The following TMEM131 variants were observed in gnomAD, a reference collection of about 807,000 sequenced individuals.
The protein encoded by TMEM131 is 2610524E03Rik.
A neutral mutation model predicts 211.6 loss-of-function variants in TMEM131; 66 were observed. The ratio of observed to expected loss-of-function variants is 0.31; its 90% CI spans 0.26 to 0.38. The LOEUF is 0.38. Among genes scored for constraint, TMEM131 ranks in the 10% least tolerant of loss-of-function variants. The probability of loss-of-function intolerance (pLI) is 1.00; values close to 1 mark genes in which losing one functional copy is unlikely to be tolerated. For synonymous variants in TMEM131, 844 were observed against 841.3 expected, an observed-to-expected ratio of 1.00 and a Z score of -0.06; for missense variants, 2,036 against 2,299.3, an observed-to-expected ratio of 0.89 and a Z score of 2.34.
chr2:97,759,793 T>C (rs1559339793), intron 38 of TMEM131, 44 bp from the exon 39 acceptor site: 2 of 1,448,156 alleles, frequency 1.4e-6, no homozygotes, highest in South Asian at 2.4e-5. Flanking sequence ...AAATGTATGG[T>C]GGTTAGTGCA....
chr2:97,792,579 C>A lies in TMEM131; in HGVS notation c.3951G>T (p.Gln1317His), dbSNP rs762748212. The A allele has an allele frequency of 2.5e-6, 4 of 1,613,088 alleles. No homozygotes were observed. The Admixed American group carries it at 5.0e-5, about 20-fold the overall frequency. Residue 1317 changes from glutamine to histidine, a missense_variant, in exon 31 of 41, where the codon CAG (glutamine) becomes CAT (histidine). By Grantham distance (24) the Gln-to-His change is conservative. Around this residue, in one of 3 missense-constraint regions of TMEM131, gnomAD observed 1,623 missense variants for 1,805.9 expected, o/e 0.90. Coordinates refer to ENST00000186436, the MANE Select transcript of TMEM131 (RefSeq NM_015348.2). ...PPPVPQPQEPQPERLSPAPLA... is the reference protein window; with the variant it reads ...PPPVPQPQEPHPERLSPAPLA... ...GGGGGGCGGGAGACAGCCTTTCAGG[C>A]TGCGGCTCCTGGGGCTGAGGCACTG...
At chr2:97,772,451 G>A (rs761572068) in intron 32 of TMEM131, 27 bp from the exon 33 acceptor site, 37 of 1,598,068 alleles carry the variant, frequency 2.3e-5, no homozygotes, top group Non-Finnish European at 3.0e-5. Flanking sequence ...CTTAATTGCT[G>A]AGAAGGATTA....
chr2:97,761,240 A>G (rs952620068), intron 36 of TMEM131: 13 of 216,004 alleles, frequency 6.0e-5, no homozygotes, highest in Admixed American at 2.1e-4. Context: ...TGCAGAGGGC[A>G]GCCACCGACA....
At chr2:97,889,840 G>A (rs1446993143) in intron 3 of TMEM131, among the ~76,000 whole-genome samples, 2 of 152,082 alleles carry the variant, frequency 1.3e-5, no homozygotes, top group African/African-American at 4.8e-5. Context: ...GGCTACAGTG[G>A]GGAATAAAGA....
At chr2:97,821,818 T>G (rs937815164) in intron 11 of TMEM131, among the ~76,000 whole-genome samples, 3 of 152,190 alleles carry the variant, frequency 2.0e-5, no homozygotes, top group African/African-American at 7.2e-5. Context: ...TGTCAGGCTT[T>G]CTGGGAAAGG....
intron 5 of TMEM131, among the ~76,000 whole-genome samples, chr2:97,847,217 G>C (rs1442430229): frequency 6.6e-6 from 1 of 151,998 alleles, no homozygotes; most frequent in African/African-American, 2.4e-5. Context: ...GTGCGAAAAA[G>C]AGATAAAAGG....
intron 35 of TMEM131, chr2:97,764,277 C>T (rs1443696547): frequency 6.6e-6 from 1 of 152,364 alleles, no homozygotes; most frequent in African/African-American, 2.4e-5. Flanking sequence ...AACTTCAGGT[C>T]TAAGCAAGAC....
At chr2:97,805,495 A>C in intron 20 of TMEM131, 44 bp from the exon 21 acceptor site, 1 of 1,613,054 alleles carries the variant, frequency 6.2e-7, no homozygotes, top group Non-Finnish European at 8.5e-7. Context: ...AATCCACAGG[A>C]GGTCATAAAA....
intron 4 of TMEM131, among the ~76,000 whole-genome samples, chr2:97,875,506 A>G (rs923801176): frequency 6.6e-6 from 1 of 152,246 alleles, no homozygotes; most frequent in Non-Finnish European, 1.5e-5. Context: ...AACAGAAATC[A>G]TAACAAACAG....
At chr2:97,809,314 G>A (rs183825577) in intron 19 of TMEM131, among the ~76,000 whole-genome samples, 35 of 152,162 alleles carry the variant, frequency 2.3e-4, no homozygotes, top group African/African-American at 7.7e-4. Flanking sequence ...TTGAGCTTGC[G>A]CCCTGGCCCT....
At chr2:97,929,804 C>T (rs1270159568) in intron 1 of TMEM131, among the ~76,000 whole-genome samples, 2 of 151,746 alleles carry the variant, frequency 1.3e-5, no homozygotes, top group African/African-American at 4.9e-5. Context: ...GTACAATAAG[C>T]ACTGGCATTT....
intron 5 of TMEM131, among the ~76,000 whole-genome samples, chr2:97,855,502 C>T (rs1178445792): frequency 2.0e-5 from 3 of 152,148 alleles, no homozygotes; most frequent in Non-Finnish European, 4.4e-5. Flanking sequence ...GAGTTTGAGA[C>T]CAGCCTGGCC....
rs1034639562 is a variant in TMEM131, at chr2:97,837,294, T to C, written c.724-137A>G. ...TAAAGATATAAACGTAGGATATGTATAATATCACTAAATTCAGTGCTCTGT... is the reference window on the plus strand; with the variant it reads ...TAAAGATATAAACGTAGGATATGTACAATATCACTAAATTCAGTGCTCTGT... On this transcript the variant is annotated intron_variant, in intron 7 of 40. Coordinates refer to ENST00000186436, the MANE Select transcript of TMEM131 (RefSeq NM_015348.2). 4.3e-5 allele frequency: 25 copies of C among 587,970 alleles called. No homozygotes were observed. In the South Asian group the frequency reaches 5.4e-4, roughly 13 times the overall value. The allele number at this position is 587,970 out of a possible 1,614,324, so 36.4% of individuals were successfully genotyped here.
intron 15 of TMEM131, 51 bp downstream of exon 15, chr2:97,813,920 C>T: frequency 1.4e-6 from 2 of 1,395,398 alleles, no homozygotes; most frequent in East Asian, 2.5e-5. Flanking sequence ...GATCTGAAAA[C>T]ATTAAAGGTG....
intron 1 of TMEM131, among the ~76,000 whole-genome samples, chr2:97,931,608 T>TG (rs1009241589): frequency 3.3e-5 from 5 of 152,164 alleles, no homozygotes; most frequent in African/African-American, 9.7e-5. Flanking sequence ...TGCCATATTG[T>TG]GGGGGGTGGT....
intron 39 of TMEM131, 198 bp downstream of exon 39, chr2:97,759,454 C>G: frequency 3.4e-6 from 2 of 580,142 alleles, no homozygotes; most frequent in South Asian, 4.2e-5. Context: ...CACACCGTGT[C>G]GAGCCTGGTC....
intron 26 of TMEM131, 114 bp from the exon 27 acceptor site, chr2:97,797,100 G>T: frequency 8.6e-7 from 1 of 1,166,402 alleles, no homozygotes; most frequent in Non-Finnish European, 1.2e-6. Flanking sequence ...ATTTAATGGT[G>T]AGAATTTATA....
intron 1 of TMEM131, among the ~76,000 whole-genome samples, chr2:97,957,385 A>G (rs1337229274): frequency 6.6e-6 from 1 of 152,222 alleles, no homozygotes; most frequent in African/African-American, 2.4e-5. Context: ...ACTTTTGACT[A>G]CATACATATG....
chr2:97,848,547 C>T (rs1683552049), intron 5 of TMEM131, among the ~76,000 whole-genome samples: 1 of 152,064 alleles, frequency 6.6e-6, no homozygotes, highest in Non-Finnish European at 1.5e-5. Flanking sequence ...AATGTAAATG[C>T]TATGTAAGTA....
Sources: allele counts gnomAD v4.1 joint callset (sites outside exome capture counted in the v4.1 genomes callset), GRCh38; gene constraint gnomAD v4.1.1; regional missense constraint gnomAD v4.1.1; transcripts MANE v1.5; gene names NCBI Gene and HGNC (gene_info 2026-07-23, HGNC 2026-07-21).